Variants in OR51B5 observed in about 807,000 individuals in gnomAD.
The protein encoded by OR51B5 is olfactory receptor 51B5.
For missense variants in OR51B5, 456 were observed against 374.6 expected (o/e 1.22, Z -1.79); for synonymous variants, 186 against 144.8 (o/e 1.28, Z -2.04).
At chr11:5,390,115 C>T (rs1463714636) in intron 1 of OR51B5, 3 of 1,613,700 alleles carry the variant, frequency 1.9e-6, no homozygotes, top group South Asian at 1.1e-5. Context: ...CAGTAGCAGG[C>T]CTGGCCTCCC....
At chr11:5,466,402 C>T (rs1030439539) in intron 1 of OR51B5, among the ~76,000 whole-genome samples, 20 of 152,026 alleles carry the variant, frequency 1.3e-4, no homozygotes, top group Non-Finnish European at 2.5e-4. Flanking sequence ...TGAGAATTCC[C>T]AATTTTACTG....
Position 5,484,453 on chromosome 11 carries a change from AAAG to A in OR51B5, n.84+21113_84+21115del, listed in dbSNP as rs1851471730. On this transcript the variant is annotated intron_variant and non_coding_transcript_variant, in intron 1 of 4. Transcript: ENST00000415970. ...AAGAATAGGCCAGAAAGAAAGGAGA[AAAG>A]AAGATGGTAGTGATTCCAGCTCTCT... Among the ~76,000 whole-genome samples, 3 of 152,318 alleles carry A rather than the reference AAAG, an allele frequency of 2.0e-5. No individual in the cohort carries two copies. In the South Asian group the frequency reaches 6.2e-4, roughly 32 times the overall value.
chr11:5,358,531 C>T (rs1247302132), intron 1 of OR51B5, among the ~76,000 whole-genome samples: 1 of 152,138 alleles, frequency 6.6e-6, no homozygotes, highest in African/African-American at 2.4e-5. Flanking sequence ...AGTCCAGGAC[C>T]AGATGGAGTC....
intron 1 of OR51B5, chr11:5,351,602 CCTACATCTCCATACTTCTTGGCAAT>C: frequency 6.2e-7 from 1 of 1,614,114 alleles, no homozygotes; most frequent in Non-Finnish European, 8.5e-7. Context: ...TTATTGGCAG[CCTACATCTCCATACTTCTTGGCAAT>C]GGCACTCTTC....
At chr11:5,403,570 A>G (rs200215347) in intron 1 of OR51B5, 30 of 459,776 alleles carry the variant, frequency 6.5e-5, no homozygotes, top group Non-Finnish European at 5.0e-5. Context: ...GTAGGAAGAA[A>G]TGTTTTTGTT....
At position 5,498,682 on chromosome 11, in the gene OR51B5, CAAGATACACCCTTTACTTCTT is replaced by C. The variant is rs367975097; in HGVS notation, n.84+6866_84+6886del. Among the ~76,000 whole-genome samples the C allele has an allele frequency of 7.7e-3, 1,166 of 152,240 alleles. 11 individuals are homozygous for C. The highest frequency in any genetic ancestry group is 0.061 in the Middle Eastern group (18 of 294). ...AGTTACAGACATTACTAATTGTAACCAAGATACACCCTTTACTTCTTAAGATACACCATGCATGCTGGGTCC... is the reference window on the plus strand; with the variant it reads ...AGTTACAGACATTACTAATTGTAACCAAGATACACCATGCATGCTGGGTCC... On this transcript the variant is annotated intron_variant and non_coding_transcript_variant, in intron 1 of 4. Coordinates refer to the OR51B5 transcript ENST00000415970.
At chr11:5,485,829 C>T (rs1851489902) in intron 1 of OR51B5, among the ~76,000 whole-genome samples, 1 of 152,178 alleles carries the variant, frequency 6.6e-6, no homozygotes, top group Non-Finnish European at 1.5e-5. Flanking sequence ...TTGGTCTCCA[C>T]ACCCCCAAAT....
chr11:5,343,477 T>TGGAAAACCAGTCAATAG lies in OR51B5; in HGVS notation c.31_47dup (p.Gly17TyrfsTer2), dbSNP rs1564912342. The TGGAAAACCAGTCAATAG allele has an allele frequency of 1.4e-6, 2 of 1,478,902 alleles. No homozygotes were observed. The highest frequency in any genetic ancestry group is 2.3e-5 in the South Asian group (2 of 85,418). 91.6% of individuals were successfully genotyped at this position (1,478,902 alleles called of 1,614,324 possible). A position where few individuals can be genotyped will look rare whatever the true frequency, so the allele number is the denominator to read the frequency against. ...TCCAGTGATGAGCTTCCTCCAAGCC[T>TGGAAAACCAGTCAATAG]GGAAAACCAGTCAATAGGAAGGGAT... On this transcript the variant is annotated stop_gained and frameshift_variant, in exon 1 of 1. Coordinates refer to ENST00000300773, the Ensembl canonical transcript of OR51B5. LOFTEE classifies it low-confidence loss of function (END_TRUNC).
chr11:5,477,702 A>G (rs1043166543), intron 1 of OR51B5, among the ~76,000 whole-genome samples: 1 of 152,154 alleles, frequency 6.6e-6, no homozygotes, highest in African/African-American at 2.4e-5. Flanking sequence ...TCACTTGGGA[A>G]GCACAAGGGG....
intron 1 of OR51B5, among the ~76,000 whole-genome samples, chr11:5,398,645 G>A (rs976430299): frequency 3.9e-5 from 6 of 152,128 alleles, no homozygotes; most frequent in Non-Finnish European, 7.4e-5. Flanking sequence ...TATATGTCGG[G>A]GGAGGGACCA....
At chr11:5,372,427 C>A (rs1163826640) in intron 1 of OR51B5, among the ~76,000 whole-genome samples, 1 of 152,122 alleles carries the variant, frequency 6.6e-6, no homozygotes, top group Non-Finnish European at 1.5e-5. Flanking sequence ...CCTCTCCAAC[C>A]CCTATCTCTT....
intron 1 of OR51B5, among the ~76,000 whole-genome samples, chr11:5,428,044 A>C (rs960470547): frequency 1.3e-5 from 2 of 152,186 alleles, no homozygotes; most frequent in African/African-American, 2.4e-5. Flanking sequence ...GTCAGGTATC[A>C]AAACATTATG....
Position 5,422,492 on chromosome 11 carries a change from G to A in OR51B5, n.85-75582C>T, listed in dbSNP as rs375449467. The A allele has an allele frequency of 4.3e-6, 7 of 1,614,018 alleles. No homozygotes were observed. The Admixed American group carries it at 6.7e-5, about 15-fold the overall frequency. On this transcript the variant is annotated intron_variant and non_coding_transcript_variant, in intron 1 of 4. Transcript: ENST00000415970. Reference sequence around the variant, plus strand: ...CAACGTTCGTAGAATCAGCTCTGAGGCCTGTTTTGCTCAGTTTTTCTTCCT... The same window carrying A: ...CAACGTTCGTAGAATCAGCTCTGAGACCTGTTTTGCTCAGTTTTTCTTCCT...
chr11:5,461,980 G>A (rs995059966), intron 1 of OR51B5, among the ~76,000 whole-genome samples: 8 of 152,180 alleles, frequency 5.3e-5, no homozygotes, highest in Non-Finnish European at 1.2e-4. Flanking sequence ...GCTGTGGCTA[G>A]TTAACCATCA....
intron 1 of OR51B5, among the ~76,000 whole-genome samples, chr11:5,379,439 A>G (rs1169534629): frequency 2.0e-5 from 3 of 151,866 alleles, no homozygotes; most frequent in South Asian, 2.1e-4. Flanking sequence ...ATGCACATGT[A>G]CCCTAAATCT....
chr11:5,441,557 T>C (rs1339357611), intron 1 of OR51B5: 2 of 1,458,700 alleles, frequency 1.4e-6, no homozygotes, highest in African/African-American at 1.4e-5. Context: ...GAGGGTGTGT[T>C]GGGAAACTTC....
chr11:5,393,236 A>G (rs563598084), intron 1 of OR51B5: 9 of 152,326 alleles, frequency 5.9e-5, no homozygotes, highest in Non-Finnish European at 7.4e-5. Context: ...TGAATATTAT[A>G]ATTTGTGTTA....
chr11:5,479,668 T>C (rs1851383167), intron 1 of OR51B5, among the ~76,000 whole-genome samples: 1 of 151,464 alleles, frequency 6.6e-6, no homozygotes. Context: ...TGGAGGAAGA[T>C]CTACCAAGCA....
intron 1 of OR51B5, among the ~76,000 whole-genome samples, chr11:5,396,701 T>G (rs572391791): frequency 1.8e-3 from 269 of 151,928 alleles, no homozygotes; most frequent in African/African-American, 6.3e-3. Flanking sequence ...TGGAAAAAAC[T>G]ACTTTAAAGT....
Sources: allele counts gnomAD v4.1 joint callset (sites outside exome capture counted in the v4.1 genomes callset), GRCh38; gene constraint gnomAD v4.1.1; transcripts MANE v1.5; gene names NCBI Gene and HGNC (gene_info 2026-07-23, HGNC 2026-07-21).